The following NFIB variants were observed in gnomAD, a reference collection of about 807,000 sequenced individuals.
NFIB encodes nuclear factor 1 B-type.
A neutral mutation model predicts 61.5 loss-of-function variants in NFIB; 11 were observed. That is an observed-to-expected ratio of 0.18 (90% confidence interval 0.11 to 0.30). The LOEUF is 0.30. Ranked by LOEUF, NFIB falls within the 10% of genes least tolerant of loss-of-function variation. The pLI is 1.00. For missense variants in NFIB, 471 were observed against 608.9 expected (o/e 0.77, Z 2.38); for synonymous variants, 260 against 216.5 (o/e 1.20, Z -1.76).
chr9:14,090,204 A>C (rs1053046231), intron 10 of NFIB, among the ~76,000 whole-genome samples: 1 of 152,172 alleles, frequency 6.6e-6, no homozygotes, highest in Non-Finnish European at 1.5e-5. Flanking sequence ...ATTAACAAAA[A>C]TTGATTAAGC....
At chr9:14,461,589 C>T in the NFIB span, among the ~76,000 whole-genome samples, 1 of 152,200 alleles carries the variant, frequency 6.6e-6, no homozygotes, top group South Asian at 2.1e-4. Context: ...GGATATAGTA[C>T]TAACATAGCA....
At chr9:14,097,012 C>G (rs75832364) in intron 10 of NFIB, among the ~76,000 whole-genome samples, 1 of 152,060 alleles carries the variant, frequency 6.6e-6, no homozygotes, top group African/African-American at 2.4e-5. Context: ...GGCAAAACTA[C>G]GACAAATCCC....
At chr9:14,169,996 CT>C (rs1460099192) in intron 3 of NFIB, among the ~76,000 whole-genome samples, 2 of 152,100 alleles carry the variant, frequency 1.3e-5, no homozygotes, top group African/African-American at 4.8e-5. Flanking sequence ...ATTAAAACTC[CT>C]CGGGTAATTA....
the NFIB span, among the ~76,000 whole-genome samples, chr9:14,436,849 G>A: frequency 6.6e-6 from 1 of 152,200 alleles, no homozygotes; most frequent in Admixed American, 6.5e-5. Context: ...AAACAGAAAT[G>A]GATCATGATT....
the NFIB span, among the ~76,000 whole-genome samples, chr9:14,531,752 G>A: frequency 6.6e-6 from 1 of 151,772 alleles, no homozygotes; most frequent in African/African-American, 2.4e-5. Context: ...TATGCCCCCG[G>A]CCACAATAGC....
chr9:14,124,673 C>T (rs981248323), intron 7 of NFIB, among the ~76,000 whole-genome samples: 2 of 152,122 alleles, frequency 1.3e-5, no homozygotes, highest in Non-Finnish European at 2.9e-5. Flanking sequence ...CTACTCCTCT[C>T]TAGGTAAAAA....
chr9:14,368,928 C>T (rs547893809), intron 1 of NFIB, among the ~76,000 whole-genome samples: 98 of 152,292 alleles, frequency 6.4e-4, no homozygotes, highest in African/African-American at 2.3e-3. Flanking sequence ...ATGCCTACCT[C>T]ACAGGTTTGG....
intron 2 of NFIB, among the ~76,000 whole-genome samples, chr9:14,291,273 T>A (rs1176824358): frequency 6.6e-6 from 1 of 151,990 alleles, no homozygotes; most frequent in Non-Finnish European, 1.5e-5. Context: ...TCACTCGAGG[T>A]CAGGTGTTCA....
chr9:14,398,698 G>A (rs2061712690), exon 1 of NFIB: 3 of 1,149,138 alleles, frequency 2.6e-6, no homozygotes, highest in South Asian at 3.0e-5. Flanking sequence ...GTTTTAGAAT[G>A]TTTGCTCCAG....
chr9:14,412,735 TC>T, the NFIB span, among the ~76,000 whole-genome samples: 4 of 152,026 alleles, frequency 2.6e-5, no homozygotes, highest in African/African-American at 9.7e-5. Flanking sequence ...GTGAAGGCAC[TC>T]CCCAGAGGGG....
the NFIB span, among the ~76,000 whole-genome samples, chr9:14,438,698 C>T: frequency 5.3e-5 from 8 of 152,140 alleles, no homozygotes; most frequent in African/African-American, 9.7e-5. Context: ...CTGGAATACA[C>T]GGGCTTAACC....
rs770203746 is a variant in NFIB, at chr9:14,086,780, GTTTT to G, written c.*1525_*1528del. The G allele has an allele frequency of 2.4e-5, 4 of 167,452 alleles. No individual in the cohort carries two copies. The highest frequency in any genetic ancestry group is 4.6e-4 in the South Asian group (2 of 4,364). The allele number at this position is 167,452 out of a possible 1,614,324, so 10.4% of individuals were successfully genotyped here. ...TGATGTCACTTTGTTGTATTTTTTTGTTTTTTTTTTTTTGTTTTTTGTTTTTTAG... is the reference window on the plus strand; with the variant it reads ...TGATGTCACTTTGTTGTATTTTTTTGTTTTTTTTTGTTTTTTGTTTTTTAG... On this transcript the variant is annotated 3_prime_UTR_variant, in exon 11 of 11. Coordinates refer to ENST00000380953, the MANE Select transcript of NFIB (RefSeq NM_001190737.2).
chr9:14,269,293 G>T (rs1255375949), intron 2 of NFIB, among the ~76,000 whole-genome samples: 2 of 152,124 alleles, frequency 1.3e-5, no homozygotes, highest in Non-Finnish European at 2.9e-5. Context: ...TGCATCATAT[G>T]TAAAACTAGC....
chr9:14,254,454 G>T (rs1000385229), intron 2 of NFIB, among the ~76,000 whole-genome samples: 5 of 152,076 alleles, frequency 3.3e-5, no homozygotes, highest in Non-Finnish European at 5.9e-5. Flanking sequence ...ATGGGCTTGC[G>T]TTACTTACTG....
At chr9:14,525,127 TAC>T in the NFIB span, among the ~76,000 whole-genome samples, 2 of 152,190 alleles carry the variant, frequency 1.3e-5, no homozygotes, top group African/African-American at 4.8e-5. Context: ...CCCAGAGCTC[TAC>T]AGTTCTCAGA....
chr9:14,283,947 C>A (rs1252292323), intron 2 of NFIB, among the ~76,000 whole-genome samples: 1 of 152,212 alleles, frequency 6.6e-6, no homozygotes, highest in Non-Finnish European at 1.5e-5. Flanking sequence ...CTGCTTCATA[C>A]ACACATTATT....
At chr9:14,189,779 C>A (rs2047745063) in intron 2 of NFIB, among the ~76,000 whole-genome samples, 1 of 149,914 alleles carries the variant, frequency 6.7e-6, no homozygotes, top group Non-Finnish European at 1.5e-5. Context: ...ACTAGATGCT[C>A]AATCAGTATG....
chr9:14,372,982 G>T (rs2061375934), intron 1 of NFIB, among the ~76,000 whole-genome samples: 1 of 152,078 alleles, frequency 6.6e-6, no homozygotes, highest in African/African-American at 2.4e-5. Context: ...TACAGGGAAC[G>T]GTGGTGGGGG....
At chr9:14,341,305 G>A (rs1445644655) in intron 1 of NFIB, among the ~76,000 whole-genome samples, 6 of 152,190 alleles carry the variant, frequency 3.9e-5, no homozygotes, top group East Asian at 3.9e-4. Context: ...TACCTGGTGC[G>A]TGGGAGTTGA....
Sources: gnomAD v4.1 joint callset for allele counts (sites outside exome capture counted in the v4.1 genomes callset) on GRCh38, gnomAD v4.1.1 for gene constraint, MANE v1.5 for transcripts, NCBI Gene and HGNC (gene_info 2026-07-23, HGNC 2026-07-21) for gene names.